PIK3R2: variants seen among roughly 807,000 people sequenced by gnomAD.
PIK3R2 encodes the protein phosphoinositide-3-kinase regulatory subunit 2.
PIK3R2 carries 40 observed loss-of-function variants against 78.5 expected under a neutral mutation model. The ratio of observed to expected loss-of-function variants is 0.51; its 90% CI spans 0.40 to 0.66. The LOEUF (loss-of-function observed/expected upper bound fraction) is 0.66, where lower values mean the gene tolerates loss of function less well. Among genes scored for constraint, PIK3R2 ranks in the 30% least tolerant of loss-of-function variants. PIK3R2 has a pLI of 0.00. For missense variants in PIK3R2, 880 were observed against 1,026.6 expected (o/e 0.86, Z 1.95); for synonymous variants, 473 against 457.7 (o/e 1.03, Z -0.43).
chr19:18,166,359 C>A, intron 12 of PIK3R2, 57 bp downstream of exon 12: 1 of 1,483,450 alleles, frequency 6.7e-7, no homozygotes, highest in Non-Finnish European at 9.3e-7. Context: ...CAGTACAAGC[C>A]AGGGAGGGAA....
chr19:18,167,100 G>C lies in PIK3R2; in HGVS notation c.1560-30G>C, dbSNP rs200260704. 4.9e-5 allele frequency: 74 copies of C among 1,519,372 alleles called. No homozygotes were observed. The Admixed American group carries it at 8.4e-4, about 17-fold the overall frequency. 94.1% of individuals were successfully genotyped at this position (1,519,372 alleles called of 1,614,324 possible). A position where few individuals can be genotyped will look rare whatever the true frequency, so the allele number is the denominator to read the frequency against. On this transcript the variant is annotated intron_variant, in intron 12 of 15. Coordinates refer to ENST00000222254, the MANE Select transcript of PIK3R2 (RefSeq NM_005027.4). This position sits in a 1 kb window ranked among gnomAD's most constrained non-coding sequence, Gnocchi z 4.5. ...GCAGTGAGCCGAGATAAAACCCTGAGGTCTCTGCGCCACCCCACCCCTCCC... is the reference window on the plus strand; with the variant it reads ...GCAGTGAGCCGAGATAAAACCCTGACGTCTCTGCGCCACCCCACCCCTCCC...
chr19:18,162,729 T>TA (rs896628490), intron 9 of PIK3R2: 56 of 491,082 alleles, frequency 1.1e-4, no homozygotes, highest in African/African-American at 2.5e-4. Context: ...ACTAAAAAAT[T>TA]AAAAAAAAAA....
At chr19:18,154,036 T>TTGG (rs1414122949) in intron 1 of PIK3R2, among the ~76,000 whole-genome samples, 1 of 152,204 alleles carries the variant, frequency 6.6e-6, no homozygotes, top group Admixed American at 6.5e-5. Flanking sequence ...CTCGGGCCTC[T>TTGG]TGGTGGATAG....
chr19:18,165,341 G>A (rs540269145), intron 11 of PIK3R2, among the ~76,000 whole-genome samples: 1 of 122,036 alleles, frequency 8.2e-6, no homozygotes, highest in East Asian at 2.5e-4. Flanking sequence ...CTCCATCCTG[G>A]GACAGAGTGA....
intron 9 of PIK3R2, 112 bp from the exon 10 acceptor site, chr19:18,162,855 A>G: frequency 1.0e-6 from 1 of 969,438 alleles, no homozygotes; most frequent in Non-Finnish European, 1.5e-6. Context: ...GCACCACTGC[A>G]CTGCAGCCTG....
intron 15 of PIK3R2, 86 bp from the exon 16 acceptor site, chr19:18,169,001 G>C (rs541842545): frequency 6.4e-7 from 1 of 1,559,028 alleles, no homozygotes; most frequent in East Asian, 2.3e-5. Flanking sequence ...GGGGTCATCC[G>C]GGACAGGGGA....
At chr19:18,166,325 G>A (rs1344484834) in intron 12 of PIK3R2, 23 bp downstream of exon 12, 1 of 1,603,422 alleles carries the variant, frequency 6.2e-7, no homozygotes, top group Non-Finnish European at 8.5e-7. Context: ...CCTCTGCCCT[G>A]CCCCACCCCA....
Position 18,170,457 on chromosome 19 carries a change from A to G in PIK3R2, c.*1163A>G, listed in dbSNP as rs547233475. The G allele has an allele frequency of 1.4e-4, 21 of 152,040 alleles. No individual in the cohort carries two copies. Among genetic ancestry groups the G allele is most frequent in the African/African-American group, 5.1e-4 (21 of 41,480 alleles). The allele number at this position is 152,040 out of a possible 1,614,324, so 9.4% of individuals were successfully genotyped here. ...TTTCTACGCTGCCCTTGGCCACCACACTGCCTGCCCCACGAGCTGGGAGGC... is the reference window on the plus strand; with the variant it reads ...TTTCTACGCTGCCCTTGGCCACCACGCTGCCTGCCCCACGAGCTGGGAGGC... On this transcript the variant is annotated 3_prime_UTR_variant, in exon 16 of 16. Transcript: ENST00000222254.
chr19:18,169,190 C>T lies in PIK3R2; in HGVS notation c.2083C>T (p.His695Tyr). Residue 695 changes from histidine (H) to tyrosine (Y), a missense_variant, in exon 16 of 16, where the codon CAC becomes TAC. Physicochemically the swap from His to Tyr is moderately conservative, Grantham distance 83. Around this residue, in one of 3 missense-constraint regions of PIK3R2, gnomAD observed 268 missense variants for 299.1 expected, o/e 0.90. Transcript: ENST00000222254. ...LYGSLKELVL[H>Y]YQHASLVQHN... The stretch of plus-strand genomic sequence containing the variant: ...CGGGTCGCTGAAGGAGCTGGTGCTG[C>T]ACTACCAGCACGCCTCGCTGGTGCA... The T allele has an allele frequency of 6.2e-7, 1 of 1,608,480 alleles. No individual in the cohort carries two copies. The highest frequency in any genetic ancestry group is 8.5e-7 in the Non-Finnish European group (1 of 1,179,422).
In PIK3R2 at chr19:18,168,998, T is replaced by C; in HGVS notation, c.1980-89T>C. The C allele has an allele frequency of 6.4e-7, 1 of 1,554,244 alleles. No homozygotes were observed. Among genetic ancestry groups the C allele is most frequent in the Non-Finnish European group, 8.8e-7 (1 of 1,137,666 alleles). On this transcript the variant is annotated intron_variant, in intron 15 of 15. Coordinates refer to ENST00000222254, the MANE Select transcript of PIK3R2 (RefSeq NM_005027.4). The surrounding 1 kb of genome is among the most constrained non-coding windows in gnomAD (Gnocchi z 4.1). Reference sequence around the variant, plus strand: ...TGGGAAGGAGTCCCTGGTGGGGTCATCCGGGACAGGGGAGCACGCGGCCCT... The same window carrying C: ...TGGGAAGGAGTCCCTGGTGGGGTCACCCGGGACAGGGGAGCACGCGGCCCT...
rs575656313 is a variant in PIK3R2 at position 18,160,630 on chromosome 19, C to G, written c.415+67C>G. The stretch of plus-strand genomic sequence containing the variant: ...TACCTCTAGTGACAGGCGACTCATC[C>G]TCTCACAGGGCCTCCAAGCTCATGC... On this transcript the variant is annotated intron_variant, in intron 3 of 15. Coordinates refer to ENST00000222254, the MANE Select transcript of PIK3R2 (RefSeq NM_005027.4). The G allele has an allele frequency of 1.4e-4, 174 of 1,248,650 alleles. 1 individual carries two copies. The East Asian group carries it at 4.2e-3, about 30-fold the overall frequency. 77.3% of individuals were successfully genotyped at this position (1,248,650 alleles called of 1,614,324 possible).
In PIK3R2 at chr19:18,164,954, A is replaced by G. The variant is rs1223751669; in HGVS notation, c.1417-1206A>G. Among the ~76,000 whole-genome samples, 4 of 149,316 alleles carry G rather than the reference A, an allele frequency of 2.7e-5. No homozygotes were observed. In the Admixed American group the frequency reaches 2.7e-4, roughly 10 times the overall value. ...AATAAAATTAAAAGGTAGGCCGGGC[A>G]CAGTGACTCATGCCAGTAATCCCAG... On this transcript the variant is annotated intron_variant, in intron 11 of 15. Coordinates refer to ENST00000222254, the MANE Select transcript of PIK3R2 (RefSeq NM_005027.4).
At chr19:18,166,538 C>G (rs1240785849) in intron 12 of PIK3R2, among the ~76,000 whole-genome samples, 1 of 151,850 alleles carries the variant, frequency 6.6e-6, no homozygotes, top group Non-Finnish European at 1.5e-5. Flanking sequence ...TGGTGAAACC[C>G]TGTCTCTATT....
rs987337752 is a variant in PIK3R2, at chr19:18,167,386, T to C, written c.1736+80T>C. On this transcript the variant is annotated intron_variant, in intron 13 of 15. Coordinates refer to ENST00000222254, the MANE Select transcript of PIK3R2 (RefSeq NM_005027.4). The surrounding 1 kb of genome is among the most constrained non-coding windows in gnomAD (Gnocchi z 4.5). ...GGAGATCTCTCTAGGAGTCTCAGTC[T>C]CTCTCTCTCCACCAAGTGGCCCTTC... The C allele has an allele frequency of 1.1e-4, 142 of 1,254,870 alleles. No homozygotes were observed. Among genetic ancestry groups the C allele is most frequent in the Non-Finnish European group, 1.4e-4 (131 of 931,260 alleles). 77.7% of individuals were successfully genotyped at this position (1,254,870 alleles called of 1,614,324 possible).
At position 18,161,484 on chromosome 19, in the gene PIK3R2, C is replaced by T; in HGVS notation, c.804C>T (p.Gly268=). The stretch of plus-strand genomic sequence containing the variant: ...CGCCGTCCTCGCCGCCGCCAGGGGG[C>T]GCTCCCGACGGGTGAGGGGCGGGGC... ...PPPPSSPPPG[G]APDGSEPSPD... The change falls in exon 6 of 16, where the codon GGC becomes GGT. Residue 268 remains glycine, a synonymous_variant. Coordinates refer to ENST00000222254, the MANE Select transcript of PIK3R2 (RefSeq NM_005027.4). The surrounding 1 kb of genome is among the most constrained non-coding windows in gnomAD (Gnocchi z 5.3). 8.7e-7 allele frequency: 1 copy of T among 1,150,892 alleles called. No individual in the cohort carries two copies. Among genetic ancestry groups the T allele is most frequent in the Non-Finnish European group, 1.1e-6 (1 of 925,436 alleles). 71.3% of individuals were successfully genotyped at this position (1,150,892 alleles called of 1,614,324 possible).
chr19:18,162,591 C>T lies in PIK3R2; in HGVS notation c.1109+85C>T, dbSNP rs2043761745. The T allele has an allele frequency of 2.4e-6, 3 of 1,224,740 alleles. No individual in the cohort carries two copies. In the Admixed American group the frequency reaches 5.5e-5, roughly 23 times the overall value. The allele number at this position is 1,224,740 out of a possible 1,614,324, so 75.9% of individuals were successfully genotyped here. On this transcript the variant is annotated intron_variant, in intron 9 of 15. Coordinates refer to ENST00000222254, the MANE Select transcript of PIK3R2 (RefSeq NM_005027.4). ...AGAGGGGATAGAACATGTGCGGTTTCAAGAATGGAGGGCCAGGCACGGTGG... is the reference window on the plus strand; with the variant it reads ...AGAGGGGATAGAACATGTGCGGTTTTAAGAATGGAGGGCCAGGCACGGTGG...
rs1245301972 is a variant in PIK3R2 at position 18,161,359 on chromosome 19, C to A, written c.679C>A (p.Gln227Lys). The A allele has an allele frequency of 7.7e-7, 1 of 1,304,628 alleles. No individual in the cohort carries two copies. The highest frequency in any genetic ancestry group is 2.2e-5 in the South Asian group (1 of 45,362). 80.8% of individuals were successfully genotyped at this position (1,304,628 alleles called of 1,614,324 possible). A position where few individuals can be genotyped will look rare whatever the true frequency, so the allele number is the denominator to read the frequency against. ...HRALTLRFLL[Q>K]HLGRVASRAP... The stretch of plus-strand genomic sequence containing the variant: ...CGCGCTCACGCTGCGCTTCCTGCTC[C>A]AGCACCTGGGCCGCGTGGCCAGCCG... The change falls in exon 6 of 16, where the codon CAG becomes AAG. Residue 227 changes from glutamine to lysine, a missense_variant. Physicochemically the swap from Gln to Lys is moderately conservative, Grantham distance 53. Around this residue, in one of 3 missense-constraint regions of PIK3R2, gnomAD observed 456 missense variants for 486.6 expected, o/e 0.94. Transcript: ENST00000222254. The surrounding 1 kb of genome is among the most constrained non-coding windows in gnomAD (Gnocchi z 5.3).
At chr19:18,154,416 T>G (rs550093813) in intron 1 of PIK3R2, among the ~76,000 whole-genome samples, 2 of 152,246 alleles carry the variant, frequency 1.3e-5, no homozygotes, top group East Asian at 3.9e-4. Context: ...TTGTGCCTAC[T>G]CTGGGCCCCA....
intron 11 of PIK3R2, 77 bp from the exon 12 acceptor site, chr19:18,166,083 G>A (rs1222738792): frequency 1.3e-6 from 2 of 1,584,788 alleles, no homozygotes; most frequent in Non-Finnish European, 1.7e-6. Flanking sequence ...CCGTATCAGA[G>A]TTGAGATGTG....
Sources: gnomAD v4.1 joint callset for allele counts (sites outside exome capture counted in the v4.1 genomes callset) on GRCh38, gnomAD v4.1.1 for gene constraint, gnomAD v4.1.1 regional missense constraint, Gnocchi (gnomAD v3.1) non-coding constraint, MANE v1.5 for transcripts, NCBI Gene and HGNC (gene_info 2026-07-23, HGNC 2026-07-21) for gene names.